ADGRL3: variants seen among roughly 807,000 people sequenced by gnomAD.
ADGRL3 encodes adhesion G protein-coupled receptor L3.
Under a neutral mutation model 153.5 loss-of-function variants are expected in ADGRL3, and 62 were observed. That is an observed-to-expected ratio of 0.40 (90% CI 0.33 to 0.50). The LOEUF (loss-of-function observed/expected upper bound fraction) is 0.50, where lower values mean the gene tolerates loss of function less well. Ranked by LOEUF, ADGRL3 falls within the 20% of genes least tolerant of loss-of-function variation. The pLI is 0.47. For synonymous variants in ADGRL3, 710 were observed against 672.5 expected (o/e 1.06, Z -0.86); for missense variants, 1,641 against 1,859.4 (o/e 0.88, Z 2.16).
chr4:61,802,956 T>C (rs1235499236), intron 8 of ADGRL3, among the ~76,000 whole-genome samples: 2 of 152,122 alleles, frequency 1.3e-5, no homozygotes, highest in African/African-American at 4.8e-5. Flanking sequence ...CAAGCTAATA[T>C]ATCTATCAGA....
intron 1 of ADGRL3, among the ~76,000 whole-genome samples, chr4:61,295,767 T>C (rs969224934): frequency 6.7e-6 from 1 of 149,668 alleles, no homozygotes; most frequent in Admixed American, 6.7e-5. Flanking sequence ...GAGACCAGCC[T>C]AGGCAACATA....
At chr4:61,923,624 TCTC>T (rs1487268953) in intron 13 of ADGRL3, among the ~76,000 whole-genome samples, 1 of 152,128 alleles carries the variant, frequency 6.6e-6, no homozygotes, top group Non-Finnish European at 1.5e-5. Flanking sequence ...CTAGATTTGT[TCTC>T]CTTTCTCCTT....
At chr4:61,269,912 A>T (rs1038699344) in intron 1 of ADGRL3, among the ~76,000 whole-genome samples, 3 of 151,678 alleles carry the variant, frequency 2.0e-5, no homozygotes, top group Non-Finnish European at 4.4e-5. Context: ...TTTACAGATA[A>T]AGAAACTTGA....
At chr4:61,228,675 G>T (rs756162961) in intron 1 of ADGRL3, among the ~76,000 whole-genome samples, 1 of 152,108 alleles carries the variant, frequency 6.6e-6, no homozygotes, top group South Asian at 2.1e-4. Context: ...GGAGAAATTT[G>T]TCTTTATGTC....
At chr4:61,690,960 C>CA (rs1239245826) in intron 6 of ADGRL3, among the ~76,000 whole-genome samples, 1 of 152,162 alleles carries the variant, frequency 6.6e-6, no homozygotes, top group East Asian at 1.9e-4. Context: ...ATTAGGCACT[C>CA]ACTAATACTC....
At chr4:61,587,871 A>C (rs567137755) in intron 5 of ADGRL3, among the ~76,000 whole-genome samples, 1 of 152,100 alleles carries the variant, frequency 6.6e-6, no homozygotes, top group Non-Finnish European at 1.5e-5. Context: ...ATCATTAATC[A>C]AAATGTAGTA....
At chr4:61,857,826 C>T (rs1156866708) in intron 9 of ADGRL3, among the ~76,000 whole-genome samples, 1 of 152,060 alleles carries the variant, frequency 6.6e-6, no homozygotes, top group African/African-American at 2.4e-5. Flanking sequence ...AATCCTCTCG[C>T]CTCAGCCTCC....
intron 9 of ADGRL3, among the ~76,000 whole-genome samples, chr4:61,869,977 AGAGAGAGAGAGAGGGAGAGAGAGAG>A (rs2098432750): frequency 9.3e-6 from 1 of 107,868 alleles, no homozygotes; most frequent in Non-Finnish European, 2.0e-5. Flanking sequence ...AGAGAGAGAA[AGAGAGAGAGAGAGGGAGAGAGAGAG>A]AGAGAGAGAA....
intron 2 of ADGRL3, among the ~76,000 whole-genome samples, chr4:61,442,717 G>A (rs2097540776): frequency 1.3e-5 from 2 of 152,216 alleles, no homozygotes; most frequent in Middle Eastern, 6.8e-3. Flanking sequence ...GGGAGAGAGA[G>A]CAAGTATAAT....
chr4:61,250,412 C>G (rs1415728648), intron 1 of ADGRL3, among the ~76,000 whole-genome samples: 2 of 152,138 alleles, frequency 1.3e-5, no homozygotes, highest in African/African-American at 4.8e-5. Flanking sequence ...TTCCATTTTC[C>G]TCACATCTTT....
Position 62,037,855 on chromosome 4 carries a change from A to G in ADGRL3, c.3716A>G (p.Gln1239Arg). ...RTPGRYSTGS[Q>R]SRIRRMWNDT... ...CCTGGACGCTACTCCACAGGCTCACAGGTAAACAATATTTGTTCACTGAAA... is the reference window on the plus strand; with the variant it reads ...CCTGGACGCTACTCCACAGGCTCACGGGTAAACAATATTTGTTCACTGAAA... Residue 1239 changes from glutamine to arginine, a missense_variant and splice_region_variant, in exon 24 of 27, where the codon CAG becomes CGG. By Grantham distance (43) the Gln-to-Arg change is conservative. Around this residue, in one of 5 missense-constraint regions of ADGRL3, gnomAD observed 517 missense variants for 555.0 expected, o/e 0.93. Coordinates refer to ENST00000683033, the MANE Select transcript of ADGRL3 (RefSeq NM_001387552.1). 6.2e-7 allele frequency: 1 copy of G among 1,613,670 alleles called. No individual in the cohort carries two copies. Among genetic ancestry groups the G allele is most frequent in the Non-Finnish European group, 8.5e-7 (1 of 1,179,720 alleles).
rs903706291 is a variant in ADGRL3, at chr4:61,200,692, G to T, written c.-1313G>T. Among the ~76,000 whole-genome samples the T allele has an allele frequency of 6.6e-6, 1 of 151,992 alleles. No individual in the cohort carries two copies. Among genetic ancestry groups the T allele is most frequent in the Non-Finnish European group, 1.5e-5 (1 of 67,968 alleles). On this transcript the variant is annotated 5_prime_UTR_variant, in exon 1 of 27. Transcript: ENST00000683033. The stretch of plus-strand genomic sequence containing the variant: ...GGTTGCACGGTTTGCTTTGGCAGGA[G>T]CTCGCTCGTGTGTGCGCGTGTGTGA...
chr4:61,591,676 G>T (rs987888368), intron 5 of ADGRL3, among the ~76,000 whole-genome samples: 1 of 151,968 alleles, frequency 6.6e-6, no homozygotes, highest in Admixed American at 6.6e-5. Flanking sequence ...GGTGTTAAAT[G>T]TACAAAGTAG....
intron 1 of ADGRL3, among the ~76,000 whole-genome samples, chr4:61,373,064 G>A (rs183462985): frequency 6.6e-6 from 1 of 152,180 alleles, no homozygotes; most frequent in South Asian, 2.1e-4. Context: ...CCCGAGTGAG[G>A]CAATGCCTCG....
chr4:61,743,322 C>T (rs1442613605), intron 8 of ADGRL3, among the ~76,000 whole-genome samples: 3 of 90,794 alleles, frequency 3.3e-5, no homozygotes, highest in Non-Finnish European at 5.9e-5. Flanking sequence ...AAGACTCCAT[C>T]TCAAAAAAAA....
intron 4 of ADGRL3, among the ~76,000 whole-genome samples, chr4:61,548,476 C>A (rs569069282): frequency 4.9e-4 from 74 of 152,002 alleles, no homozygotes; most frequent in African/African-American, 1.7e-3. Flanking sequence ...AGTTAAAGGT[C>A]CAATGTCAGT....
chr4:61,289,778 G>T (rs1245964161), intron 1 of ADGRL3, among the ~76,000 whole-genome samples: 1 of 152,200 alleles, frequency 6.6e-6, no homozygotes, highest in Non-Finnish European at 1.5e-5. Context: ...TAAGGAGATA[G>T]TAAGAGGACA....
At chr4:61,872,408 CTTT>C (rs10715924) in intron 9 of ADGRL3, among the ~76,000 whole-genome samples, 2 of 133,076 alleles carry the variant, frequency 1.5e-5, no homozygotes, top group Admixed American at 7.6e-5. Context: ...TCCTTCTTTC[CTTT>C]TTTTTTTTTT....
At position 61,701,586 on chromosome 4, in the gene ADGRL3, C is replaced by T. The variant is rs1288159507; in HGVS notation, c.583+24651C>T. Among the ~76,000 whole-genome samples the T allele has an allele frequency of 2.0e-5, 3 of 151,818 alleles. No homozygotes were observed. In the East Asian group the frequency reaches 5.8e-4, roughly 29 times the overall value. On this transcript the variant is annotated intron_variant, in intron 6 of 26. Coordinates refer to ENST00000683033, the MANE Select transcript of ADGRL3 (RefSeq NM_001387552.1). Reference sequence around the variant, plus strand: ...AGTAGCTGGGACTAGATGCATGCCACCATGCCTGGCTAATTTTTTGTATTT... The same window carrying T: ...AGTAGCTGGGACTAGATGCATGCCATCATGCCTGGCTAATTTTTTGTATTT...
Sources: allele counts gnomAD v4.1 joint callset (sites outside exome capture counted in the v4.1 genomes callset), GRCh38; gene constraint gnomAD v4.1.1; regional missense constraint gnomAD v4.1.1; transcripts MANE v1.5; gene names NCBI Gene and HGNC (gene_info 2026-07-23, HGNC 2026-07-21).